Variants in TRAP1 observed in about 807,000 individuals in gnomAD.
TRAP1 encodes heat shock protein 75 kDa, mitochondrial.
TRAP1 carries 102 observed loss-of-function variants against 89.1 expected under a neutral mutation model. The ratio of observed to expected loss-of-function variants is 1.15; its 90% CI spans 0.98 to 1.35. The LOEUF is 1.35. Among genes scored for constraint, TRAP1 ranks in the 40% most tolerant of loss-of-function variants. The pLI, the probability that TRAP1 is intolerant of heterozygous loss-of-function variation, is 0.00. For synonymous variants in TRAP1, 508 were observed against 388.0 expected (o/e 1.31, Z -3.64); for missense variants, 1,256 against 945.3 (o/e 1.33, Z -4.31).
intron 1 of TRAP1, among the ~76,000 whole-genome samples, chr16:3,717,088 G>C (rs2051607390): frequency 6.6e-6 from 1 of 152,206 alleles, no homozygotes; most frequent in Non-Finnish European, 1.5e-5. Context: ...GCTCCGCAGC[G>C]GCTCCACCTG....
chr16:3,659,665 G>A (rs533211300), intron 16 of TRAP1: 1 of 152,106 alleles, frequency 6.6e-6, no homozygotes, highest in Non-Finnish European at 1.5e-5. Flanking sequence ...GAGGACAACT[G>A]GAGTCGGGAA....
chr16:3,697,109 G>A (rs544912295), intron 1 of TRAP1, among the ~76,000 whole-genome samples: 2 of 152,280 alleles, frequency 1.3e-5, no homozygotes, highest in Admixed American at 1.3e-4. Context: ...CCACAGCAAT[G>A]TACTAAAGTG....
intron 5 of TRAP1, 146 bp from the exon 6 acceptor site, chr16:3,677,804 G>T: frequency 2.2e-6 from 2 of 899,966 alleles, no homozygotes; most frequent in Non-Finnish European, 3.3e-6. Flanking sequence ...TTCTACACGT[G>T]AAGAGCTAAG....
chr16:3,672,077 C>T (rs1022934002), intron 10 of TRAP1, among the ~76,000 whole-genome samples: 1 of 152,206 alleles, frequency 6.6e-6, no homozygotes, highest in African/African-American at 2.4e-5. Flanking sequence ...GTGTCTGACG[C>T]CTGTAATCCC....
At chr16:3,682,330 T>G (rs918807987) in intron 4 of TRAP1, among the ~76,000 whole-genome samples, 3 of 148,798 alleles carry the variant, frequency 2.0e-5, no homozygotes, top group Non-Finnish European at 4.4e-5. Context: ...GTGGGAAAAT[T>G]GCTTGAGCCC....
rs1241588348 is a variant in TRAP1, at chr16:3,686,013, C to G, written c.454G>C (p.Gly152Arg). Residue 152 changes from glycine to arginine, a missense_variant, in exon 4 of 18, where the codon GGC becomes CGC. Transcript: ENST00000246957. The part of the protein sequence containing the change: ...EIHLQTNAEK[G>R]TITIQDTGIG... ...GGAGGTACCTGGATGGTGATGGTGC[C>G]TTTCTCGGCATTGGTCTGCAAGTGA... is the stretch of plus-strand genomic sequence containing the variant. The G allele has an allele frequency of 1.2e-6, 2 of 1,613,944 alleles. No homozygotes were observed. The highest frequency in any genetic ancestry group is 4.5e-5 in the East Asian group (2 of 44,876).
At position 3,663,425 on chromosome 16, in the gene TRAP1, T is replaced by G; in HGVS notation, c.1707A>C (p.Pro569=). ...YKEEKFEDRS[P]AAECLSEKET... The stretch of plus-strand genomic sequence containing the variant: ...GCCTAGAGAGCAGGGGATGCCGACC[T>G]GGGGACCTGTCCTCAAACTTCTCCT... Residue 569 remains proline, a splice_region_variant and synonymous_variant, in exon 14 of 18, where the codon CCA becomes CCC. Coordinates refer to ENST00000246957, the MANE Select transcript of TRAP1 (RefSeq NM_016292.3). The G allele has an allele frequency of 6.2e-7, 1 of 1,614,086 alleles. No homozygotes were observed.
At position 3,674,396 on chromosome 16, in the gene TRAP1, C is replaced by T. The variant is rs1233034313; in HGVS notation, c.987G>A (p.Leu329=). 5.0e-6 allele frequency: 8 copies of T among 1,614,130 alleles called. No homozygotes were observed. The East Asian group carries it at 1.8e-4, about 36-fold the overall frequency. Residue 329 remains leucine, a synonymous_variant, in exon 9 of 18, where the codon CTG becomes CTA. Transcript: ENST00000246957. ...AQAHDKPRYT[L]HYKTDAPLNI... ...TGAGCGGTGCGTCCGTCTTATAGTG[C>T]AGGGTGTAGCGGGGCTTGTCGTGAG...
chr16:3,666,008 C>T lies in TRAP1; in HGVS notation c.1346G>A (p.Arg449Gln), dbSNP rs764205911. 1.2e-5 allele frequency: 20 copies of T among 1,613,984 alleles called. No individual in the cohort carries two copies. Among genetic ancestry groups the T allele is most frequent in the African/African-American group, 2.7e-5 (2 of 74,900 alleles). The change falls in exon 12 of 18, where the codon CGG becomes CAG. Residue 449 changes from arginine to glutamine, a missense_variant. Arg to Gln is a conservative substitution (Grantham distance 43, BLOSUM62 1). Coordinates refer to ENST00000246957, the MANE Select transcript of TRAP1 (RefSeq NM_016292.3). The part of the protein sequence containing the change: ...KFFEDYGLFM[R>Q]EGIVTATEQE... ...CTCGGTGGCGGTCACAATGCCCTCC[C>T]GCATGAACAGGCCGTAATCTTCAAA...
At chr16:3,715,318 G>C (rs1190620792) in intron 1 of TRAP1, among the ~76,000 whole-genome samples, 1 of 151,958 alleles carries the variant, frequency 6.6e-6, no homozygotes, top group African/African-American at 2.4e-5. Context: ...GGCGCCTAAA[G>C]TCCCAGCTAC....
At chr16:3,697,481 G>A (rs560563357) in intron 1 of TRAP1, among the ~76,000 whole-genome samples, 22 of 151,782 alleles carry the variant, frequency 1.4e-4, no homozygotes, top group Non-Finnish European at 2.8e-4. Flanking sequence ...TGGCTAACAC[G>A]GTGAAACCCC....
intron 4 of TRAP1, among the ~76,000 whole-genome samples, chr16:3,682,906 T>C (rs979070666): frequency 6.6e-6 from 1 of 151,896 alleles, no homozygotes; most frequent in Non-Finnish European, 1.5e-5. Flanking sequence ...CGGTAGCTCA[T>C]GCCTATAATC....
chr16:3,659,661 A>C (rs1391455404), intron 16 of TRAP1: 1 of 152,180 alleles, frequency 6.6e-6, no homozygotes, highest in East Asian at 1.9e-4. Context: ...TCCAGAGGAC[A>C]ACTGGAGTCG....
intron 1 of TRAP1, among the ~76,000 whole-genome samples, chr16:3,716,734 G>A (rs909582613): frequency 1.3e-5 from 2 of 152,210 alleles, no homozygotes; most frequent in East Asian, 1.9e-4. Flanking sequence ...TCCGAGTGGG[G>A]ACTGGGAAAG....
intron 1 of TRAP1, among the ~76,000 whole-genome samples, chr16:3,715,530 C>G (rs1436845896): frequency 6.6e-6 from 1 of 152,108 alleles, no homozygotes. Context: ...AGGGACAGTG[C>G]ATGATACAAA....
chr16:3,667,057 C>G lies in TRAP1; in HGVS notation c.1236-939G>C, dbSNP rs75484539. On this transcript the variant is annotated intron_variant, in intron 11 of 17. Transcript: ENST00000246957. Reference sequence around the variant, plus strand: ...CCTTCAGCCACAGGGCAGAATGGGACAGGACATGCCTTCGTGCCTGGGAGC... The same window carrying G: ...CCTTCAGCCACAGGGCAGAATGGGAGAGGACATGCCTTCGTGCCTGGGAGC... Among the ~76,000 whole-genome samples the G allele has an allele frequency of 4.9e-3, 746 of 152,266 alleles. 8 individuals are homozygous for G. Among genetic ancestry groups the G allele is most frequent in the African/African-American group, 0.017 (699 of 41,544 alleles).
In TRAP1 at chr16:3,710,879, A is replaced by ATATATTT. The variant is rs71133652; in HGVS notation, c.88+6541_88+6542insAAATATA. Among the ~76,000 whole-genome samples, 15 of 125,796 alleles carry ATATATTT rather than the reference A, an allele frequency of 1.2e-4. No homozygotes were observed. In the East Asian group the frequency reaches 1.7e-3, roughly 14 times the overall value. 82.5% of individuals were successfully genotyped at this position (125,796 alleles called of 152,430 possible). On this transcript the variant is annotated intron_variant, in intron 1 of 17. Transcript: ENST00000246957. ...TGTGTATATATATATATATATATAT[A>ATATATTT]TTTTTTTTTTTGAGACACTGTCACT...
chr16:3,664,602 G>T (rs1028725449), intron 12 of TRAP1, 143 bp from the exon 13 acceptor site: 1 of 873,662 alleles, frequency 1.1e-6, no homozygotes, highest in Admixed American at 3.0e-5. Flanking sequence ...GTGGACTCGG[G>T]GGTTGTCCGA....
intron 1 of TRAP1, among the ~76,000 whole-genome samples, chr16:3,692,344 T>C (rs1337200784): frequency 6.6e-6 from 1 of 152,038 alleles, no homozygotes; most frequent in African/African-American, 2.4e-5. Flanking sequence ...GAGACCAGCC[T>C]GGCCAACATG....
Sources: allele counts gnomAD v4.1 joint callset (sites outside exome capture counted in the v4.1 genomes callset), GRCh38; gene constraint gnomAD v4.1.1; transcripts MANE v1.5; gene names NCBI Gene and HGNC (gene_info 2026-07-23, HGNC 2026-07-21).